PTPRO: variants seen among roughly 807,000 people sequenced by gnomAD.
The protein encoded by PTPRO is receptor-type tyrosine-protein phosphatase O.
PTPRO carries 62 observed loss-of-function variants against 145.2 expected under a neutral mutation model. That is an observed-to-expected ratio of 0.43 (90% CI 0.35 to 0.53). PTPRO has a LOEUF of 0.53. Among genes scored for constraint, PTPRO ranks in the 20% least tolerant of loss-of-function variants. The pLI is 0.01. For missense variants in PTPRO, 1,345 were observed against 1,482.7 expected (o/e 0.91, Z 1.53); for synonymous variants, 565 against 514.7 (o/e 1.10, Z -1.32).
chr12:15,565,172 A>ATT (rs1159555749), intron 17 of PTPRO, among the ~76,000 whole-genome samples: 1 of 152,220 alleles, frequency 6.6e-6, no homozygotes, highest in East Asian at 1.9e-4. Context: ...TTAGTCTTTA[A>ATT]TTAAGAAAAC....
intron 1 of PTPRO, among the ~76,000 whole-genome samples, chr12:15,461,198 CT>C (rs1170172960): frequency 6.6e-6 from 1 of 152,174 alleles, no homozygotes; most frequent in African/African-American, 2.4e-5. Context: ...CCAGACATTT[CT>C]TTCTATTGAT....
chr12:15,520,132 G>A (rs980035433), intron 9 of PTPRO, 69 bp from the exon 10 acceptor site: 9 of 1,005,482 alleles, frequency 9.0e-6, no homozygotes, highest in Non-Finnish European at 1.1e-5. Context: ...TTTTATGAAA[G>A]TAAGTCTACT....
chr12:15,453,579 T>C (rs1431913054), intron 1 of PTPRO, among the ~76,000 whole-genome samples: 4 of 152,224 alleles, frequency 2.6e-5, no homozygotes, highest in African/African-American at 9.6e-5. Flanking sequence ...CCTTGTTTTT[T>C]ATTGTGTAAG....
intron 9 of PTPRO, 96 bp downstream of exon 9, chr12:15,517,052 T>C: frequency 8.2e-7 from 1 of 1,213,668 alleles, no homozygotes; most frequent in Non-Finnish European, 1.2e-6. Context: ...ATAAATTTGA[T>C]TATTTTGTAA....
At chr12:15,499,705 AT>A in intron 4 of PTPRO, 111 bp downstream of exon 4, 1 of 1,188,640 alleles carries the variant, frequency 8.4e-7, no homozygotes, top group South Asian at 1.3e-5. Flanking sequence ...GAAAGAAAAT[AT>A]ATATGTTTAA....
intron 22 of PTPRO, 86 bp from the exon 23 acceptor site, chr12:15,581,593 C>A (rs768607203): frequency 2.0e-6 from 3 of 1,482,910 alleles, no homozygotes; most frequent in African/African-American, 1.4e-5. Context: ...TCTTTAGAGG[C>A]GAATACCTTT....
intron 1 of PTPRO, among the ~76,000 whole-genome samples, chr12:15,360,894 A>ATACACACACATATATACACACGTGTG (rs1938176820): frequency 9.0e-6 from 1 of 110,910 alleles, no homozygotes; most frequent in African/African-American, 3.3e-5. Context: ...ACACATGTGT[A>ATACACACACATATATACACACGTGTG]TATACACACA....
At chr12:15,587,298 G>A in intron 24 of PTPRO, 1 of 485,236 alleles carries the variant, frequency 2.1e-6, no homozygotes, top group Non-Finnish European at 3.7e-6. Context: ...GGGTAGAGAT[G>A]TTAAGGGATT....
At chr12:15,472,086 G>T (rs1472381330) in intron 1 of PTPRO, among the ~76,000 whole-genome samples, 2 of 152,146 alleles carry the variant, frequency 1.3e-5, no homozygotes, top group African/African-American at 4.8e-5. Context: ...AAAGAACTGA[G>T]CAGCCTATTC....
At chr12:15,576,353 C>T (rs544534580) in intron 19 of PTPRO, among the ~76,000 whole-genome samples, 1 of 152,308 alleles carries the variant, frequency 6.6e-6, no homozygotes, top group African/African-American at 2.4e-5. Context: ...CAGTGTTCAG[C>T]CAATTAAACC....
chr12:15,560,803 C>T (rs984445509), intron 17 of PTPRO, among the ~76,000 whole-genome samples: 1 of 152,058 alleles, frequency 6.6e-6, no homozygotes, highest in Admixed American at 6.6e-5. Context: ...TTACTAGTCC[C>T]ATTTTAGAAA....
chr12:15,575,068 C>T (rs766768911), intron 19 of PTPRO, among the ~76,000 whole-genome samples: 1 of 152,154 alleles, frequency 6.6e-6, no homozygotes, highest in Non-Finnish European at 1.5e-5. Context: ...AGGGTGAGGA[C>T]TTCGTGGTAG....
chr12:15,563,886 C>G (rs571705646), intron 17 of PTPRO, among the ~76,000 whole-genome samples: 1 of 152,258 alleles, frequency 6.6e-6, no homozygotes, highest in East Asian at 1.9e-4. Flanking sequence ...TTAGTCATCT[C>G]CGCTGACATT....
intron 20 of PTPRO, among the ~76,000 whole-genome samples, 193 bp downstream of exon 20, chr12:15,579,136 T>C (rs569502279): frequency 2.0e-5 from 3 of 152,352 alleles, no homozygotes; most frequent in African/African-American, 7.2e-5. Context: ...GATTTAATTA[T>C]TGTGCTTTTA....
intron 24 of PTPRO, 149 bp downstream of exon 24, chr12:15,587,200 A>G (rs1944447892): frequency 1.2e-6 from 1 of 856,222 alleles, no homozygotes; most frequent in Non-Finnish European, 1.8e-6. Context: ...ATGTCTCACT[A>G]TATACAATGT....
intron 1 of PTPRO, among the ~76,000 whole-genome samples, chr12:15,324,888 T>C (rs75976491): frequency 4.5e-4 from 68 of 152,324 alleles, no homozygotes; most frequent in Non-Finnish European, 7.9e-4. Context: ...ACATGGTGCG[T>C]TGGGCACATG....
At position 15,501,984 on chromosome 12, in the gene PTPRO, T is replaced by A; in HGVS notation, c.1026T>A (p.Pro342=). Residue 342 remains proline, a synonymous_variant, in exon 5 of 27, where the codon CCT becomes CCA. Transcript: ENST00000281171. ...CATCAGGCTCTTTCTCCTTTTTCCC[T>A]GTGCAAATGATATTGACCTGGTTAC... The part of the protein sequence containing the change: ...KSTSGSFSFF[P]VQMILTWLPP... 1 of 1,614,042 alleles carries A rather than the reference T, an allele frequency of 6.2e-7. No individual in the cohort carries two copies. Among genetic ancestry groups the A allele is most frequent in the Non-Finnish European group, 8.5e-7 (1 of 1,179,914 alleles).
Position 15,429,090 on chromosome 12 carries a change from A to C in PTPRO, c.76-54884A>C, listed in dbSNP as rs555764761. 3.3e-5 allele frequency among the ~76,000 whole-genome samples: 5 copies of C among 152,288 alleles called. No homozygotes were observed. The East Asian group carries it at 7.7e-4, about 24-fold the overall frequency. Reference sequence around the variant, plus strand: ...ATTGGATATTGAAGACAACGAAGAAAACAATGAAGAGTATTTGCCACACCG... The same window carrying C: ...ATTGGATATTGAAGACAACGAAGAACACAATGAAGAGTATTTGCCACACCG... On this transcript the variant is annotated intron_variant, in intron 1 of 26. Transcript: ENST00000281171.
chr12:15,472,414 C>T (rs953233807), intron 1 of PTPRO, among the ~76,000 whole-genome samples: 3 of 152,138 alleles, frequency 2.0e-5, no homozygotes, highest in African/African-American at 7.2e-5. Flanking sequence ...AAAAAATATC[C>T]AAACTCCTTA....
Sources: gnomAD v4.1 joint callset for allele counts (sites outside exome capture counted in the v4.1 genomes callset) on GRCh38, gnomAD v4.1.1 for gene constraint, MANE v1.5 for transcripts, NCBI Gene and HGNC (gene_info 2026-07-23, HGNC 2026-07-21) for gene names.